The following RASSF7 variants were observed in gnomAD, a reference collection of about 807,000 sequenced individuals.
RASSF7 encodes Ras association domain family member 7.
In RASSF7, 41 loss-of-function variants were observed where a neutral mutation model predicts 33.8. The observed-to-expected ratio is 1.21, with a 90% CI of 0.95 to 1.57. The LOEUF is 1.57. Ranked by LOEUF, RASSF7 falls within the 40% of genes most tolerant of loss-of-function variation. The pLI, the probability that RASSF7 is intolerant of heterozygous loss-of-function variation, is 0.00. For missense variants in RASSF7, 622 were observed against 497.0 expected, an observed-to-expected ratio of 1.25 and a Z score of -2.39; for synonymous variants, 298 against 212.8, an observed-to-expected ratio of 1.40 and a Z score of -3.48.
In RASSF7 at chr11:561,987, G is replaced by A. The variant is rs1181918514; in HGVS notation, c.125-92G>A. On this transcript the variant is annotated intron_variant, in intron 2 of 5. Transcript: ENST00000397583. The stretch of plus-strand genomic sequence containing the variant: ...GGTCTCCCCCAAGGAGAGTGGGGCT[G>A]GTTGCTGATCCTTTTTGTTCTTCCC... 1.9e-6 allele frequency: 3 copies of A among 1,558,778 alleles called. No individual in the cohort carries two copies. The East Asian group carries it at 6.9e-5, about 36-fold the overall frequency.
chr11:561,264 C>A lies in RASSF7; in HGVS notation c.-221C>A, dbSNP rs1853283871. ...ACCGGGACTTTCGGGGCGAGCGCAG[C>A]GATTAGGCGGCAGCGGCGGGGCTCC... On this transcript the variant is annotated 5_prime_UTR_variant, in exon 1 of 6. Coordinates refer to ENST00000397583, the MANE Select transcript of RASSF7 (RefSeq NM_003475.4). The A allele has an allele frequency of 4.1e-6, 4 of 985,516 alleles. No homozygotes were observed. In the South Asian group the frequency reaches 1.4e-4, roughly 34 times the overall value. 61.0% of individuals were successfully genotyped at this position (985,516 alleles called of 1,614,324 possible).
rs1853451474 is a variant in RASSF7, at chr11:563,877, C to T, written c.*232C>T. On this transcript the variant is annotated 3_prime_UTR_variant, in exon 6 of 6. Transcript: ENST00000397583. The stretch of plus-strand genomic sequence containing the variant: ...AAAGGCCACGACTGCCTGTTGGGGA[C>T]AGGAGATGCATGGACAGTGTGCTCA... 3 of 589,088 alleles carry T rather than the reference C, an allele frequency of 5.1e-6. No homozygotes were observed. Among genetic ancestry groups the T allele is most frequent in the African/African-American group, 3.7e-5 (2 of 53,712 alleles). The allele number at this position is 589,088 out of a possible 1,614,324, so 36.5% of individuals were successfully genotyped here. A position where few individuals can be genotyped will look rare whatever the true frequency, so the allele number is the denominator to read the frequency against.
chr11:563,847 GCCC>G lies in RASSF7; in HGVS notation c.*204_*206del. On this transcript the variant is annotated 3_prime_UTR_variant, in exon 6 of 6. Coordinates refer to ENST00000397583, the MANE Select transcript of RASSF7 (RefSeq NM_003475.4). ...GCGTAGCCAGCTCGGAACTTGCCAG[GCCC>G]CAAAGGCCACGACTGCCTGTTGGGG... 1.7e-6 allele frequency: 1 copy of G among 598,090 alleles called. No homozygotes were observed. Among genetic ancestry groups the G allele is most frequent in the Non-Finnish European group, 3.0e-6 (1 of 337,806 alleles). 37.0% of individuals were successfully genotyped at this position (598,090 alleles called of 1,614,324 possible).
At position 562,533 on chromosome 11, in the gene RASSF7, G is replaced by T. The variant is rs1368477141; in HGVS notation, c.579G>T (p.Leu193=). 1 of 1,548,502 alleles carries T rather than the reference G, an allele frequency of 6.5e-7. No individual in the cohort carries two copies. Among genetic ancestry groups the T allele is most frequent in the Admixed American group, 2.0e-5 (1 of 51,012 alleles). Residue 193 remains leucine, a synonymous_variant, in exon 3 of 6, where the codon CTG becomes CTT. Transcript: ENST00000397583. The part of the protein sequence containing the change: ...QAREREGQAR[L]QALSAATAEH... ...GGGAGCGAGAGGGACAGGCACGCCTGCAGGCACTAAGTGCGGCCACTGCTG... is the reference window on the plus strand; with the variant it reads ...GGGAGCGAGAGGGACAGGCACGCCTTCAGGCACTAAGTGCGGCCACTGCTG...
At position 562,313 on chromosome 11, in the gene RASSF7, T is replaced by C. The variant is rs1853366098; in HGVS notation, c.359T>C (p.Leu120Pro). The part of the protein sequence containing the change: ...ASLPVKPRAA[L>P]GCEPRKTLTP... ...CTCCCTGTAAAGCCACGGGCTGCGCTGGGCTGTGAGCCCCGCAAAACACTG... is the reference window on the plus strand; with the variant it reads ...CTCCCTGTAAAGCCACGGGCTGCGCCGGGCTGTGAGCCCCGCAAAACACTG... Residue 120 changes from leucine (L) to proline (P), a missense_variant, in exon 3 of 6, where the codon CTG becomes CCG. Transcript: ENST00000397583. The C allele has an allele frequency of 6.2e-7, 1 of 1,611,820 alleles. No homozygotes were observed. The highest frequency in any genetic ancestry group is 8.5e-7 in the Non-Finnish European group (1 of 1,179,784).
At chr11:563,368 C>T in intron 4 of RASSF7, 28 bp from the exon 5 acceptor site, 2 of 1,609,164 alleles carry the variant, frequency 1.2e-6, no homozygotes, top group South Asian at 1.1e-5. Flanking sequence ...GGCCCAGCCC[C>T]ACTCCAAGCT....
rs372840376 is a variant in RASSF7, at chr11:563,272, G to A, written c.906G>A (p.Ala302=). ...AGTTCATCCAGCAGACCGGGGCTGC[G>A]CTGCCACCGCCCCCACGGCCTGACA... The part of the protein sequence containing the change: ...LQQFIQQTGA[A]LPPPPRPDRG... The change falls in exon 4 of 6, where the codon GCG becomes GCA. Residue 302 remains alanine, a synonymous_variant. Coordinates refer to ENST00000397583, the MANE Select transcript of RASSF7 (RefSeq NM_003475.4). The A allele has an allele frequency of 4.4e-5, 71 of 1,611,368 alleles. No homozygotes were observed. Among genetic ancestry groups the A allele is most frequent in the South Asian group, 4.4e-4 (40 of 90,862 alleles).
At chr11:561,990 T>A in intron 2 of RASSF7, 89 bp from the exon 3 acceptor site, 2 of 1,552,780 alleles carry the variant, frequency 1.3e-6, no homozygotes, top group South Asian at 2.4e-5. Context: ...TGGGGCTGGT[T>A]GCTGATCCTT....
chr11:561,974 G>A, intron 2 of RASSF7, 82 bp downstream of exon 2: 1 of 1,582,940 alleles, frequency 6.3e-7, no homozygotes, highest in Middle Eastern at 1.7e-4. Context: ...TCTCCCCCAA[G>A]GAGAGTGGGG....
chr11:562,138 C>A lies in RASSF7; in HGVS notation c.184C>A (p.Pro62Thr), dbSNP rs966266462. Residue 62 changes from proline to threonine, a missense_variant, in exon 3 of 6, where the codon CCA (proline) becomes ACA (threonine). By Grantham distance (38) the Pro-to-Thr change is conservative. Coordinates refer to ENST00000397583, the MANE Select transcript of RASSF7 (RefSeq NM_003475.4). The part of the protein sequence containing the change: ...RLREKERQLL[P>T]QECPVGAQAT... Reference sequence around the variant, plus strand: ...TCGGGAGAAGGAGCGGCAGTTGCTGCCACAAGAGTGTCCAGTGGGCGCCCA... The same window carrying A: ...TCGGGAGAAGGAGCGGCAGTTGCTGACACAAGAGTGTCCAGTGGGCGCCCA... The A allele has an allele frequency of 6.4e-7, 1 of 1,552,084 alleles. No individual in the cohort carries two copies. Among genetic ancestry groups the A allele is most frequent in the East Asian group, 2.3e-5 (1 of 44,296 alleles).
rs1363125322 is a variant in RASSF7 at position 561,455 on chromosome 11, G to T, written c.-30G>T. ...CGGGCGCCTCCGCGCCGCCCGGGGA[G>T]GGGGCAGTGTCCTCCGAGCCAGGTG... On this transcript the variant is annotated 5_prime_UTR_variant, in exon 1 of 6. It adds an upstream start codon to the 5' untranslated region. Coordinates refer to ENST00000397583, the MANE Select transcript of RASSF7 (RefSeq NM_003475.4). 5.9e-6 allele frequency: 7 copies of T among 1,196,070 alleles called. No individual in the cohort carries two copies. The highest frequency in any genetic ancestry group is 4.2e-6 in the Non-Finnish European group (4 of 958,190). 74.1% of individuals were successfully genotyped at this position (1,196,070 alleles called of 1,614,324 possible). A position where few individuals can be genotyped will look rare whatever the true frequency, so the allele number is the denominator to read the frequency against.
intron 3 of RASSF7, 38 bp downstream of exon 3, chr11:562,814 C>G: frequency 1.4e-6 from 2 of 1,410,726 alleles, no homozygotes; most frequent in East Asian, 5.0e-5. Flanking sequence ...ACTCCCCCAC[C>G]CCTGATATGG....
rs769595123 is a variant in RASSF7, at chr11:562,160, C to T, written c.206C>T (p.Ala69Val). The T allele has an allele frequency of 6.4e-7, 1 of 1,567,252 alleles. No homozygotes were observed. The highest frequency in any genetic ancestry group is 1.2e-5 in the South Asian group (1 of 84,544). The change falls in exon 3 of 6, where the codon GCC becomes GTC. Residue 69 changes from alanine to valine, a missense_variant. Coordinates refer to ENST00000397583, the MANE Select transcript of RASSF7 (RefSeq NM_003475.4). ...QLLPQECPVG[A>V]QATCGQFASD... ...CTGCCACAAGAGTGTCCAGTGGGCG[C>T]CCAGGCCACCTGCGGACAGTTTGCC... is the stretch of plus-strand genomic sequence containing the variant.
Position 562,327 on chromosome 11 carries a change from C to T in RASSF7, c.373C>T (p.Arg125Cys), listed in dbSNP as rs147855052. Reference sequence around the variant, plus strand: ...ACGGGCTGCGCTGGGCTGTGAGCCCCGCAAAACACTGACCCCCGAGCCAGC... The same window carrying T: ...ACGGGCTGCGCTGGGCTGTGAGCCCTGCAAAACACTGACCCCCGAGCCAGC... ...KPRAALGCEP[R>C]KTLTPEPAPS... Residue 125 changes from arginine to cysteine, a missense_variant, in exon 3 of 6, where the codon CGC (arginine) becomes TGC (cysteine). By Grantham distance (180) the Arg-to-Cys change is radical. Transcript: ENST00000397583. 3.1e-6 allele frequency: 5 copies of T among 1,609,952 alleles called. No homozygotes were observed. The highest frequency in any genetic ancestry group is 2.2e-5 in the East Asian group (1 of 44,612).
chr11:562,718 T>G lies in RASSF7; in HGVS notation c.764T>G (p.Val255Gly). The G allele has an allele frequency of 6.5e-7, 1 of 1,539,492 alleles. No homozygotes were observed. Residue 255 changes from valine (V) to glycine (G), a missense_variant, in exon 3 of 6, where the codon GTG (valine) becomes GGG (glycine). Transcript: ENST00000397583. ...LAVQERQSAE[V>G]QGSLALVSRA... ...GTTCAGGAGCGGCAGAGTGCGGAGG[T>G]GCAGGGCAGCCTGGCTCTGGTGAGC...
At position 562,299 on chromosome 11, in the gene RASSF7, G is replaced by A. The variant is rs556421837; in HGVS notation, c.345G>A (p.Lys115=). The A allele has an allele frequency of 6.2e-7, 1 of 1,612,524 alleles. No individual in the cohort carries two copies. Among genetic ancestry groups the A allele is most frequent in the African/African-American group, 1.3e-5 (1 of 75,058 alleles). The change falls in exon 3 of 6, where the codon AAG becomes AAA. Residue 115 remains lysine, a synonymous_variant. Transcript: ENST00000397583. ...TAATTCGTGCCAGCCTCCCTGTAAAGCCACGGGCTGCGCTGGGCTGTGAGC... is the reference window on the plus strand; with the variant it reads ...TAATTCGTGCCAGCCTCCCTGTAAAACCACGGGCTGCGCTGGGCTGTGAGC... The part of the protein sequence containing the change: ...RCLIRASLPV[K]PRAALGCEPR...
intron 3 of RASSF7, 69 bp downstream of exon 3, chr11:562,845 G>C: frequency 7.7e-7 from 1 of 1,295,436 alleles, no homozygotes; most frequent in Non-Finnish European, 1.0e-6. Flanking sequence ...GGATCACAGG[G>C]TCCCACTCGG....
rs1261320446 is a variant in RASSF7 at position 560,988 on chromosome 11, G to C, written c.-497G>C. 2.8e-6 allele frequency: 3 copies of C among 1,066,656 alleles called. No individual in the cohort carries two copies. The South Asian group carries it at 1.3e-4, about 48-fold the overall frequency. 66.1% of individuals were successfully genotyped at this position (1,066,656 alleles called of 1,614,324 possible). On this transcript the variant is annotated 5_prime_UTR_variant, in exon 1 of 6. Coordinates refer to ENST00000397583, the MANE Select transcript of RASSF7 (RefSeq NM_003475.4). ...GTGCGCCGCGGCGCTGGGGGCGGCA[G>C]GTTGCGGCGGCGCCGGAGCGGGTCT...
chr11:561,614 CGGGTGGGGCTGGCACAGGA>C, intron 1 of RASSF7, 129 bp from the exon 2 acceptor site: 3 of 1,405,624 alleles, frequency 2.1e-6, no homozygotes, highest in Non-Finnish European at 2.8e-6. Flanking sequence ...GTGTGGCTGG[CGGGTGGGGCTGGCACAGGA>C]GGGTGGGGCC....
Sources: gnomAD v4.1 joint callset for allele counts on GRCh38, gnomAD v4.1.1 for gene constraint, MANE v1.5 for transcripts, NCBI Gene and HGNC (gene_info 2026-07-23, HGNC 2026-07-21) for gene names.